Variants in SHC3 observed in about 807,000 individuals in gnomAD.
SHC3 encodes the protein SHC adaptor protein 3, also known as SHC-transforming protein 3.
Under a neutral mutation model 60.4 loss-of-function variants are expected in SHC3, and 15 were observed. The observed-to-expected ratio is 0.25, with a 90% CI of 0.17 to 0.38. The LOEUF (loss-of-function observed/expected upper bound fraction) is 0.38. Among genes scored for constraint, SHC3 ranks in the 10% least tolerant of loss-of-function variants. SHC3 has a pLI of 1.00. For synonymous variants in SHC3, 294 were observed against 325.9 expected (o/e 0.90, Z 1.05); for missense variants, 677 against 786.1 (o/e 0.86, Z 1.66).
At chr9:89,148,173 T>C (rs563167439) in intron 1 of SHC3, among the ~76,000 whole-genome samples, 34 of 152,226 alleles carry the variant, frequency 2.2e-4, no homozygotes, top group Non-Finnish European at 3.4e-4. Flanking sequence ...CAATTTGTAA[T>C]GAACTTGAAC....
At chr9:89,065,730 G>T (rs1010532763) in intron 5 of SHC3, 150 bp from the exon 6 acceptor site, 1 of 778,408 alleles carries the variant, frequency 1.3e-6, no homozygotes, top group Non-Finnish European at 2.1e-6. Context: ...GCCCCCAGAA[G>T]ATTCAAGCTA....
intron 2 of SHC3, among the ~76,000 whole-genome samples, chr9:89,101,557 T>C (rs1825782706): frequency 2.0e-5 from 3 of 151,906 alleles, no homozygotes; most frequent in South Asian, 2.1e-4. Context: ...TTATAATGAA[T>C]GTATGTTGAA....
intron 1 of SHC3, among the ~76,000 whole-genome samples, chr9:89,177,526 C>A (rs549331608): frequency 6.6e-6 from 1 of 152,316 alleles, no homozygotes; most frequent in South Asian, 2.1e-4. Flanking sequence ...CTGCGGGGGG[C>A]AACAAGATAC....
chr9:89,078,662 G>C (rs891236672), intron 2 of SHC3, among the ~76,000 whole-genome samples: 1 of 152,180 alleles, frequency 6.6e-6, no homozygotes, highest in Non-Finnish European at 1.5e-5. Context: ...TCACAGCTGA[G>C]GGCTAGGGTG....
rs770446624 is a variant in SHC3, at chr9:89,071,226, G to T, written c.756C>A (p.Ser252=). The T allele has an allele frequency of 6.2e-7, 1 of 1,614,122 alleles. No individual in the cohort carries two copies. Among genetic ancestry groups the T allele is most frequent in the Non-Finnish European group, 8.5e-7 (1 of 1,180,004 alleles). The change falls in exon 5 of 12, where the codon TCC becomes TCA. Residue 252 remains serine (S), a synonymous_variant. Coordinates refer to ENST00000375835, the MANE Select transcript of SHC3 (RefSeq NM_016848.6). ...GGTCTCCCCCAGAGGCGAAGGAGAT[G>T]GACCGCATGTGGTGATTCGCTATGA... The part of the protein sequence containing the change: ...KQIIANHHMR[S]ISFASGGDPD...
intron 4 of SHC3, among the ~76,000 whole-genome samples, chr9:89,072,712 CGGGGGTGAGAA>C (rs1469594306): frequency 1.3e-5 from 2 of 151,944 alleles, no homozygotes; most frequent in African/African-American, 2.4e-5. Flanking sequence ...AGTAAATTTC[CGGGGGTGAGAA>C]CAGAGCTCAT....
intron 2 of SHC3, among the ~76,000 whole-genome samples, chr9:89,087,325 C>A (rs1825546470): frequency 1.3e-5 from 2 of 152,208 alleles, no homozygotes; most frequent in African/African-American, 4.8e-5. Flanking sequence ...ATTTCTCCAA[C>A]ACTGGCCCCT....
At chr9:89,058,355 G>A (rs11793211) in intron 6 of SHC3, among the ~76,000 whole-genome samples, 13,212 of 150,826 alleles carry the variant, frequency 0.088, 631 homozygotes, top group Middle Eastern at 0.11. Context: ...GGATGGTGGC[G>A]TAGGACGTGG....
intron 1 of SHC3, among the ~76,000 whole-genome samples, chr9:89,146,279 C>G (rs1244372131): frequency 6.6e-6 from 1 of 151,712 alleles, no homozygotes; most frequent in Non-Finnish European, 1.5e-5. Context: ...CTCTCTGGAA[C>G]CTGGGAGGCG....
intron 1 of SHC3, among the ~76,000 whole-genome samples, chr9:89,149,891 A>G (rs553379752): frequency 2.8e-4 from 43 of 152,240 alleles, no homozygotes; most frequent in African/African-American, 9.9e-4. Flanking sequence ...CAGTTGCTCC[A>G]CCCGCAGTGT....
At chr9:89,160,608 A>G (rs1174473894) in intron 1 of SHC3, among the ~76,000 whole-genome samples, 2 of 152,174 alleles carry the variant, frequency 1.3e-5, no homozygotes, top group African/African-American at 2.4e-5. Flanking sequence ...GGTGGGGGCA[A>G]GTGAAAGTGT....
intron 2 of SHC3, among the ~76,000 whole-genome samples, chr9:89,108,120 A>G (rs1043641453): frequency 6.6e-6 from 1 of 152,232 alleles, no homozygotes; most frequent in African/African-American, 2.4e-5. Context: ...GCAATAGGCT[A>G]TGCTATATAG....
At chr9:89,162,309 A>T (rs1278658045) in intron 1 of SHC3, among the ~76,000 whole-genome samples, 5 of 151,962 alleles carry the variant, frequency 3.3e-5, no homozygotes, top group African/African-American at 1.2e-4. Flanking sequence ...AAAAGAACAA[A>T]GCTGGAGGCA....
intron 1 of SHC3, among the ~76,000 whole-genome samples, chr9:89,120,117 G>A (rs12344540): frequency 0.069 from 10,556 of 152,114 alleles, 1,191 homozygotes; most frequent in African/African-American, 0.24. Context: ...AAATATAAAC[G>A]CTAAAATGGT....
At chr9:89,093,006 A>G (rs1385144237) in intron 2 of SHC3, among the ~76,000 whole-genome samples, 1 of 152,170 alleles carries the variant, frequency 6.6e-6, no homozygotes, top group African/African-American at 2.4e-5. Flanking sequence ...TCACTAGTTG[A>G]TGGATAATTG....
At chr9:89,107,589 C>T (rs1456178759) in intron 2 of SHC3, among the ~76,000 whole-genome samples, 1 of 152,228 alleles carries the variant, frequency 6.6e-6, no homozygotes, top group African/African-American at 2.4e-5. Flanking sequence ...TCCTGCCAGG[C>T]CTCACCCCTC....
intron 11 of SHC3, among the ~76,000 whole-genome samples, chr9:89,032,840 C>G (rs1238562562): frequency 6.6e-6 from 1 of 152,166 alleles, no homozygotes; most frequent in Non-Finnish European, 1.5e-5. Context: ...CAACCAATTA[C>G]CATGAAAATC....
intron 5 of SHC3, among the ~76,000 whole-genome samples, chr9:89,069,082 G>T (rs928313557): frequency 6.6e-6 from 1 of 152,200 alleles, no homozygotes; most frequent in South Asian, 2.1e-4. Context: ...GCCGAGGTGG[G>T]TGGACCACTT....
intron 10 of SHC3, 138 bp from the exon 11 acceptor site, chr9:89,038,426 G>T: frequency 1.1e-6 from 1 of 905,602 alleles, no homozygotes; most frequent in Non-Finnish European, 1.6e-6. Flanking sequence ...AACCAATGGA[G>T]ACAACTAACT....
Sources: gnomAD v4.1 joint callset for allele counts (sites outside exome capture counted in the v4.1 genomes callset) on GRCh38, gnomAD v4.1.1 for gene constraint, MANE v1.5 for transcripts, NCBI Gene and HGNC (gene_info 2026-07-23, HGNC 2026-07-21) for gene names.